The following PDE4D variants were observed in gnomAD, a reference collection of about 807,000 sequenced individuals.
PDE4D encodes phosphodiesterase 4D.
Under a neutral mutation model 87.4 loss-of-function variants are expected in PDE4D, and 24 were observed. That is an observed-to-expected ratio of 0.27 (90% CI 0.20 to 0.39). The LOEUF (loss-of-function observed/expected upper bound fraction) is 0.39. Among genes scored for constraint, PDE4D ranks in the 10% least tolerant of loss-of-function variants. PDE4D has a pLI of 1.00. For missense variants in PDE4D, 714 were observed against 1,041.0 expected (o/e 0.69, Z 4.32); for synonymous variants, 384 against 383.2 (o/e 1.00, Z -0.02).
rs149783872 is a variant in PDE4D, at chr5:59,791,634, C to T, written c.455+101534G>A. ...TTCTTTCAAAAATATTTGTAGAGTACCTTCTCAATTACAGTCAGTCACAAG... is the reference window on the plus strand; with the variant it reads ...TTCTTTCAAAAATATTTGTAGAGTATCTTCTCAATTACAGTCAGTCACAAG... On this transcript the variant is annotated intron_variant, in intron 1 of 14. Transcript: ENST00000340635. 1.8e-4 allele frequency among the ~76,000 whole-genome samples: 27 copies of T among 152,264 alleles called. No homozygotes were observed. In the East Asian group the frequency reaches 5.2e-3, roughly 29 times the overall value.
chr5:59,015,017 TG>T (rs1432690553), intron 6 of PDE4D, among the ~76,000 whole-genome samples: 2 of 152,150 alleles, frequency 1.3e-5, no homozygotes, highest in Non-Finnish European at 2.9e-5. Context: ...AAACAAGAAA[TG>T]GGGAAAGGAT....
At chr5:59,743,827 A>G (rs538066941) in intron 1 of PDE4D, among the ~76,000 whole-genome samples, 1 of 152,204 alleles carries the variant, frequency 6.6e-6, no homozygotes, top group Non-Finnish European at 1.5e-5. Context: ...CACTCAAATC[A>G]TTACACTTCA....
chr5:59,857,507 A>G (rs965123079), intron 1 of PDE4D, among the ~76,000 whole-genome samples: 1 of 152,134 alleles, frequency 6.6e-6, no homozygotes, highest in Non-Finnish European at 1.5e-5. Context: ...AATATCACAA[A>G]GGGAGGGATT....
At chr5:60,214,537 T>C (rs767218722) in intron 1 of PDE4D, among the ~76,000 whole-genome samples, 4 of 152,178 alleles carry the variant, frequency 2.6e-5, no homozygotes, top group Non-Finnish European at 4.4e-5. Context: ...TAGATACCAA[T>C]TTAATAATAT....
At chr5:59,375,154 A>C (rs1784510202) in intron 1 of PDE4D, among the ~76,000 whole-genome samples, 1 of 152,210 alleles carries the variant, frequency 6.6e-6, no homozygotes, top group Admixed American at 6.5e-5. Flanking sequence ...TAAATTCCAA[A>C]GCCAGCAGAT....
In PDE4D at chr5:59,337,331, C is replaced by A. The variant is rs981696615; in HGVS notation, c.456-121363G>T. Among the ~76,000 whole-genome samples, 71 of 132,102 alleles carry A rather than the reference C, an allele frequency of 5.4e-4. No homozygotes were observed. In the South Asian group the frequency reaches 9.9e-3, roughly 18 times the overall value. 86.7% of individuals were successfully genotyped at this position (132,102 alleles called of 152,430 possible). ...GAAAGGCATTCATAAGTTCCCCCCCCCCCACCTTTTTTTTTTTTTTGACAC... is the reference window on the plus strand; with the variant it reads ...GAAAGGCATTCATAAGTTCCCCCCCACCCACCTTTTTTTTTTTTTTGACAC... On this transcript the variant is annotated intron_variant, in intron 1 of 14. Transcript: ENST00000340635.
chr5:59,848,091 T>C (rs1001374290), intron 1 of PDE4D, among the ~76,000 whole-genome samples: 5 of 152,160 alleles, frequency 3.3e-5, no homozygotes, highest in Middle Eastern at 3.4e-3. Flanking sequence ...AACATGTTTT[T>C]GACGATAAAA....
intron 2 of PDE4D, among the ~76,000 whole-genome samples, chr5:59,214,075 CACAA>C (rs1750709304): frequency 6.9e-6 from 1 of 144,406 alleles, no homozygotes; most frequent in African/African-American, 2.6e-5. Flanking sequence ...CACACACACA[CACAA>C]CCATTCTATA....
intron 2 of PDE4D, among the ~76,000 whole-genome samples, chr5:60,164,559 A>C (rs1385962018): frequency 6.6e-6 from 1 of 152,146 alleles, no homozygotes; most frequent in Non-Finnish European, 1.5e-5. Context: ...ATGCGGCTGA[A>C]TATCTGTGTC....
At chr5:59,917,452 T>G (rs572158181) in intron 3 of PDE4D, among the ~76,000 whole-genome samples, 13 of 152,282 alleles carry the variant, frequency 8.5e-5, no homozygotes, top group African/African-American at 3.1e-4. Flanking sequence ...GAAGGCAACT[T>G]ATTACTTAAG....
chr5:59,527,585 T>C (rs1813391458), intron 1 of PDE4D, among the ~76,000 whole-genome samples: 1 of 152,220 alleles, frequency 6.6e-6, no homozygotes, highest in East Asian at 1.9e-4. Context: ...AAAAATTTTA[T>C]ATATTATAAG....
intron 3 of PDE4D, among the ~76,000 whole-genome samples, chr5:59,924,416 A>T (rs929930415): frequency 1.3e-5 from 2 of 152,306 alleles, no homozygotes; most frequent in Middle Eastern, 3.4e-3. Context: ...CCCAAAGAAG[A>T]CTACCTCAAG....
chr5:59,014,799 G>C (rs1753627347), intron 6 of PDE4D, among the ~76,000 whole-genome samples: 1 of 152,132 alleles, frequency 6.6e-6, no homozygotes. Context: ...AACCAAAAAA[G>C]AGCCCGCATT....
At chr5:59,437,299 C>A (rs1258172344) in intron 1 of PDE4D, among the ~76,000 whole-genome samples, 1 of 152,130 alleles carries the variant, frequency 6.6e-6, no homozygotes, top group East Asian at 1.9e-4. Flanking sequence ...GCTTTGACAA[C>A]ATGACTTCTT....
chr5:59,048,794 G>T (rs1761110028), intron 5 of PDE4D, among the ~76,000 whole-genome samples: 1 of 152,082 alleles, frequency 6.6e-6, no homozygotes, highest in African/African-American at 2.4e-5. Flanking sequence ...CCAATACTTT[G>T]CCAGTTGACT....
intron 1 of PDE4D, among the ~76,000 whole-genome samples, chr5:59,757,920 C>T (rs1761482517): frequency 6.6e-6 from 1 of 152,168 alleles, no homozygotes; most frequent in African/African-American, 2.4e-5. Context: ...AGGATGTCAA[C>T]TTCTATACAA....
At chr5:60,340,292 T>TA (rs397707568) in intron 1 of PDE4D, among the ~76,000 whole-genome samples, 3 of 152,022 alleles carry the variant, frequency 2.0e-5, no homozygotes, top group African/African-American at 2.4e-5. Flanking sequence ...TTTTTTTTTT[T>TA]ATCTAGGGAA....
intron 3 of PDE4D, among the ~76,000 whole-genome samples, chr5:59,934,666 C>A (rs1295505047): frequency 6.6e-6 from 1 of 152,124 alleles, no homozygotes; most frequent in Non-Finnish European, 1.5e-5. Flanking sequence ...TATAGCAGTG[C>A]AGAGGAGGGA....
intron 1 of PDE4D, among the ~76,000 whole-genome samples, chr5:60,486,005 C>T (rs550984944): frequency 2.0e-5 from 3 of 152,198 alleles, no homozygotes; most frequent in Admixed American, 1.3e-4. Context: ...TGATTCATCT[C>T]AATAAGAGCC....
Sources: allele counts gnomAD v4.1 joint callset (sites outside exome capture counted in the v4.1 genomes callset), GRCh38; gene constraint gnomAD v4.1.1; transcripts MANE v1.5; gene names NCBI Gene and HGNC (gene_info 2026-07-23, HGNC 2026-07-21).